The following HFM1 variants were observed in gnomAD, a reference collection of about 807,000 sequenced individuals.
HFM1 encodes helicase for meiosis 1, also known as probable ATP-dependent DNA helicase HFM1.
In HFM1, 169 loss-of-function variants were observed where a neutral mutation model predicts 192.1. That is an observed-to-expected ratio of 0.88 (90% CI 0.78 to 1.00). The LOEUF is 1.00. HFM1 is among the 50% of genes least tolerant of loss of function. The pLI is 0.00. For synonymous variants in HFM1, 525 were observed against 537.8 expected, an observed-to-expected ratio of 0.98 and a Z score of 0.33; for missense variants, 1,661 against 1,668.0, an observed-to-expected ratio of 1.00 and a Z score of 0.07.
intron 20 of HFM1, chr1:91,329,567 T>C: frequency 1.2e-5 from 15 of 1,295,148 alleles, no homozygotes; most frequent in Non-Finnish European, 1.6e-5. Flanking sequence ...TTTGCCCTCT[T>C]GTACCCTTAA....
intron 30 of HFM1, among the ~76,000 whole-genome samples, chr1:91,289,914 A>G (rs1245614011): frequency 6.6e-6 from 1 of 151,902 alleles, no homozygotes; most frequent in Non-Finnish European, 1.5e-5. Context: ...TAAAGAAAAT[A>G]ATTTTCAGCC....
Position 91,353,125 on chromosome 1 carries a change from T to C in HFM1, c.1757A>G (p.His586Arg). ...ATCTGACAGCTCCATACCAGCATGA[T>C]GATAAGCAGCACCATCTTTTAAGAT... is the stretch of plus-strand genomic sequence containing the variant. ...RDILKDGAAY[H>R]HAGMELSDRK... Residue 586 changes from histidine to arginine, a missense_variant, in exon 15 of 39, where the codon CAT becomes CGT. Physicochemically the swap from His to Arg is conservative, Grantham distance 29. Transcript: ENST00000370425. The C allele has an allele frequency of 2.5e-6, 4 of 1,610,884 alleles. No homozygotes were observed. The highest frequency in any genetic ancestry group is 3.4e-6 in the Non-Finnish European group (4 of 1,177,736).
chr1:91,381,090 G>C, intron 6 of HFM1, 108 bp from the exon 7 acceptor site: 2 of 620,458 alleles, frequency 3.2e-6, no homozygotes, highest in South Asian at 2.0e-5. Flanking sequence ...TTAATGATGA[G>C]GTTTTAACAT....
At chr1:91,354,233 GAAGA>G (rs1557901367) in intron 13 of HFM1, among the ~76,000 whole-genome samples, 1 of 151,314 alleles carries the variant, frequency 6.6e-6, no homozygotes, top group African/African-American at 2.4e-5. Flanking sequence ...AAAACAAGCA[GAAGA>G]AAGAATCTGT....
chr1:91,382,044 T>C (rs1226352156), intron 6 of HFM1, among the ~76,000 whole-genome samples: 3 of 152,114 alleles, frequency 2.0e-5, no homozygotes, highest in Non-Finnish European at 4.4e-5. Context: ...CCTACTACTC[T>C]TTCTCCCTGA....
At chr1:91,360,852 A>T (rs145335833) in intron 13 of HFM1, among the ~76,000 whole-genome samples, 1 of 152,308 alleles carries the variant, frequency 6.6e-6, no homozygotes, top group African/African-American at 2.4e-5. Context: ...AGTCTCTCAG[A>T]CCAGAGCACA....
intron 19 of HFM1, among the ~76,000 whole-genome samples, chr1:91,346,399 A>G (rs544092649): frequency 5.3e-5 from 8 of 152,314 alleles, no homozygotes; most frequent in Admixed American, 4.6e-4. Context: ...AGATAACACA[A>G]CTTATAATCT....
Position 91,358,441 on chromosome 1 carries a change from T to C in HFM1, c.1686-5142A>G, listed in dbSNP as rs551732509. Among the ~76,000 whole-genome samples the C allele has an allele frequency of 2.6e-5, 4 of 152,058 alleles. No individual in the cohort carries two copies. The South Asian group carries it at 6.2e-4, about 24-fold the overall frequency. On this transcript the variant is annotated intron_variant, in intron 13 of 38. Coordinates refer to ENST00000370425, the MANE Select transcript of HFM1 (RefSeq NM_001017975.6). ...TAACCAAAACAATATAGTACTTGCA[T>C]AAAAACAGAAACACAGACCAATGGA...
intron 7 of HFM1, 51 bp from the exon 8 acceptor site, chr1:91,380,287 C>T: frequency 9.0e-7 from 1 of 1,116,348 alleles, no homozygotes; most frequent in Non-Finnish European, 1.2e-6. Context: ...TTTTCACACA[C>T]ATTCTCAATT....
chr1:91,396,379 T>G lies in HFM1; in HGVS notation c.98A>C (p.Asp33Ala), dbSNP rs761502634. The G allele has an allele frequency of 6.3e-7, 1 of 1,596,864 alleles. No individual in the cohort carries two copies. Among genetic ancestry groups the G allele is most frequent in the Non-Finnish European group, 8.6e-7 (1 of 1,168,362 alleles). ...ENHPDNEKSL[D>A]WFLPPAPLIS... The stretch of plus-strand genomic sequence containing the variant: ...CAATGGAGCAGGAGGGAGAAACCAA[T>G]CCAATGACTTTTCATTGTCTGGATG... Residue 33 changes from aspartate (D) to alanine (A), a missense_variant, in exon 3 of 39, where the codon GAT (aspartate) becomes GCT (alanine). Physicochemically the swap from Asp to Ala is moderately radical, Grantham distance 126. Transcript: ENST00000370425.
chr1:91,391,170 T>C (rs1403778580), intron 4 of HFM1, among the ~76,000 whole-genome samples: 1 of 152,180 alleles, frequency 6.6e-6, no homozygotes, highest in Admixed American at 6.5e-5. Context: ...AAAATGGCCA[T>C]ACTGCCCAAG....
chr1:91,376,318 T>C (rs1660903086), intron 11 of HFM1, among the ~76,000 whole-genome samples: 1 of 151,986 alleles, frequency 6.6e-6, no homozygotes. Context: ...TGCTATGAAA[T>C]TGACTGTTGT....
Position 91,266,098 on chromosome 1 carries a change from T to C in HFM1, c.3893A>G (p.Asn1298Ser), listed in dbSNP as rs1313608525. Reference protein sequence around the residue: ...TEKTKISGFGNTLSSSTRGSK... With the variant: ...TEKTKISGFGSTLSSSTRGSK... ...TCCCCTGGTACTTGAACTCAAAGTG[T>C]TTCCAAATCCTATGTGAAGAGATAA... The change falls in exon 36 of 39, where the codon AAC becomes AGC. Residue 1298 changes from asparagine (N) to serine (S), a missense_variant. Physicochemically the swap from Asn to Ser is conservative, Grantham distance 46. Coordinates refer to ENST00000370425, the MANE Select transcript of HFM1 (RefSeq NM_001017975.6). 2.5e-6 allele frequency: 4 copies of C among 1,590,516 alleles called. No homozygotes were observed. Among genetic ancestry groups the C allele is most frequent in the Non-Finnish European group, 1.7e-6 (2 of 1,173,458 alleles).
intron 30 of HFM1, among the ~76,000 whole-genome samples, chr1:91,279,174 A>G (rs555506559): frequency 3.3e-5 from 5 of 152,150 alleles, no homozygotes; most frequent in Admixed American, 6.5e-5. Context: ...CTGAAATCCT[A>G]TAAGAAAATC....
intron 16 of HFM1, among the ~76,000 whole-genome samples, chr1:91,352,139 T>C (rs376571720): frequency 6.6e-6 from 1 of 151,550 alleles, no homozygotes; most frequent in South Asian, 2.1e-4. Flanking sequence ...TGCTAGGACC[T>C]AGGGATGTTT....
chr1:91,384,864 C>G (rs973442278), intron 6 of HFM1, among the ~76,000 whole-genome samples: 3 of 151,962 alleles, frequency 2.0e-5, no homozygotes, highest in Non-Finnish European at 4.4e-5. Context: ...CTCCCTCAGC[C>G]CCCTGAGTAG....
intron 20 of HFM1, among the ~76,000 whole-genome samples, chr1:91,325,163 C>A (rs1652702637): frequency 6.6e-6 from 1 of 152,192 alleles, no homozygotes; most frequent in Admixed American, 6.5e-5. Flanking sequence ...TCACTATAAG[C>A]TGACAGAAGA....
At chr1:91,384,564 G>A (rs960381740) in intron 6 of HFM1, among the ~76,000 whole-genome samples, 4 of 151,630 alleles carry the variant, frequency 2.6e-5, no homozygotes, top group Admixed American at 1.3e-4. Flanking sequence ...AACCCAATTT[G>A]GCTGCTCTTT....
chr1:91,384,973 G>C (rs1417344144), intron 6 of HFM1, among the ~76,000 whole-genome samples: 1 of 151,964 alleles, frequency 6.6e-6, no homozygotes, highest in African/African-American at 2.4e-5. Flanking sequence ...TCGAACTCCT[G>C]ACCTCGTGAT....
Sources: gnomAD v4.1 joint callset for allele counts (sites outside exome capture counted in the v4.1 genomes callset) on GRCh38, gnomAD v4.1.1 for gene constraint, MANE v1.5 for transcripts, NCBI Gene and HGNC (gene_info 2026-07-23, HGNC 2026-07-21) for gene names.